CACNA2D3: variants seen among roughly 807,000 people sequenced by gnomAD.
CACNA2D3 encodes the protein calcium voltage-gated channel auxiliary subunit alpha2delta 3, also known as voltage-dependent calcium channel subunit alpha-2/delta-3.
In CACNA2D3, 60 loss-of-function variants were observed where a neutral mutation model predicts 160.6. The ratio of observed to expected loss-of-function variants is 0.37; its 90% CI spans 0.30 to 0.46. CACNA2D3 has a LOEUF of 0.46. Ranked by LOEUF, CACNA2D3 falls within the 20% of genes least tolerant of loss-of-function variation. The pLI is 1.00. For missense variants in CACNA2D3, 1,205 were observed against 1,365.0 expected (o/e 0.88, Z 1.85); for synonymous variants, 558 against 492.9 (o/e 1.13, Z -1.75).
At chr3:55,007,165 C>A (rs1703116378) in intron 32 of CACNA2D3, among the ~76,000 whole-genome samples, 1 of 152,098 alleles carries the variant, frequency 6.6e-6, no homozygotes, top group Non-Finnish European at 1.5e-5. Context: ...TTAAAATATT[C>A]TGAAATAAAG....
chr3:54,821,064 C>G (rs887186155), intron 14 of CACNA2D3, among the ~76,000 whole-genome samples: 12 of 152,168 alleles, frequency 7.9e-5, no homozygotes, highest in Non-Finnish European at 2.9e-5. Context: ...CGTGTCCAGA[C>G]TCTGGTACCC....
At chr3:54,224,936 A>G (rs1176058354) in intron 2 of CACNA2D3, among the ~76,000 whole-genome samples, 1 of 132,816 alleles carries the variant, frequency 7.5e-6, no homozygotes. Flanking sequence ...TTGTGACTGA[A>G]TATCTTTTTT....
At chr3:55,064,404 G>A (rs771829707) in intron 35 of CACNA2D3, among the ~76,000 whole-genome samples, 9 of 152,112 alleles carry the variant, frequency 5.9e-5, no homozygotes, top group Non-Finnish European at 1.2e-4. Flanking sequence ...CCAGGTGCCG[G>A]TGAGGTGGGG....
intron 5 of CACNA2D3, among the ~76,000 whole-genome samples, chr3:54,524,281 T>G (rs572572129): frequency 6.6e-6 from 1 of 152,308 alleles, no homozygotes; most frequent in African/African-American, 2.4e-5. Context: ...AGGAGTGTGT[T>G]GCTTAGTTTC....
At chr3:54,710,045 CAG>C (rs1366772620) in intron 11 of CACNA2D3, among the ~76,000 whole-genome samples, 1 of 152,180 alleles carries the variant, frequency 6.6e-6, no homozygotes, top group Non-Finnish European at 1.5e-5. Flanking sequence ...AGTCAAAAAT[CAG>C]AGAATCGACT....
intron 11 of CACNA2D3, among the ~76,000 whole-genome samples, chr3:54,662,958 G>T (rs4955876): frequency 0.11 from 17,028 of 152,222 alleles, 1,352 homozygotes; most frequent in East Asian, 0.28. Context: ...GCTGATAGTG[G>T]CTCCTTCTCA....
intron 4 of CACNA2D3, among the ~76,000 whole-genome samples, chr3:54,454,584 G>A (rs923551734): frequency 2.1e-5 from 3 of 146,232 alleles, no homozygotes; most frequent in Non-Finnish European, 4.5e-5. Flanking sequence ...CCTCAAACAT[G>A]TATCATTTCT....
intron 35 of CACNA2D3, among the ~76,000 whole-genome samples, chr3:55,033,805 ATG>A (rs1456246326): frequency 1.6e-5 from 2 of 122,382 alleles, no homozygotes; most frequent in Non-Finnish European, 3.2e-5. Context: ...TTTATATAAT[ATG>A]TATTATATAT....
At position 54,765,487 on chromosome 3, in the gene CACNA2D3, A is replaced by C. The variant is rs1385850495; in HGVS notation, c.1380+1136A>C. 2.0e-5 allele frequency among the ~76,000 whole-genome samples: 3 copies of C among 152,310 alleles called. No homozygotes were observed. In the East Asian group the frequency reaches 5.8e-4, roughly 29 times the overall value. On this transcript the variant is annotated intron_variant, in intron 13 of 37. Coordinates refer to ENST00000474759, the MANE Select transcript of CACNA2D3 (RefSeq NM_018398.3). ...TGAGTCTGTCCCCAGTTTGGTTTTA[A>C]ATCATGGAAACAAAATAAGCTGCCC...
At chr3:54,350,897 A>C (rs1217081967) in intron 3 of CACNA2D3, among the ~76,000 whole-genome samples, 2 of 151,008 alleles carry the variant, frequency 1.3e-5, no homozygotes, top group Non-Finnish European at 2.9e-5. Context: ...TCACTTGGTA[A>C]GGGCATACAG....
At chr3:54,242,738 GTTTA>G (rs1701996506) in intron 2 of CACNA2D3, among the ~76,000 whole-genome samples, 1 of 152,134 alleles carries the variant, frequency 6.6e-6, no homozygotes, top group Admixed American at 6.5e-5. Context: ...TGTATGAATT[GTTTA>G]TTTTTGGAAT....
At chr3:54,198,851 T>A (rs1241445940) in intron 2 of CACNA2D3, among the ~76,000 whole-genome samples, 1 of 152,256 alleles carries the variant, frequency 6.6e-6, no homozygotes, top group Non-Finnish European at 1.5e-5. Context: ...CAAAAGCCTT[T>A]GTTCTTCCAC....
intron 30 of CACNA2D3, 136 bp downstream of exon 30, chr3:54,984,806 A>T: frequency 1.6e-6 from 1 of 633,602 alleles, no homozygotes. Flanking sequence ...ATAAAACCTT[A>T]TTTCCATCCC....
intron 2 of CACNA2D3, among the ~76,000 whole-genome samples, chr3:54,289,225 C>T (rs978562808): frequency 6.6e-6 from 1 of 152,032 alleles, no homozygotes; most frequent in African/African-American, 2.4e-5. Flanking sequence ...GATACAAAAT[C>T]AATGCACAAA....
At chr3:54,902,376 A>C (rs1382965744) in intron 27 of CACNA2D3, among the ~76,000 whole-genome samples, 2 of 152,028 alleles carry the variant, frequency 1.3e-5, no homozygotes, top group Admixed American at 6.6e-5. Flanking sequence ...TTAGATACTC[A>C]TCTGTCAATG....
intron 4 of CACNA2D3, among the ~76,000 whole-genome samples, chr3:54,405,023 TAGAA>T (rs781748357): frequency 1.5e-4 from 23 of 151,768 alleles, no homozygotes; most frequent in Non-Finnish European, 2.4e-4. Flanking sequence ...AGGACACAAA[TAGAA>T]AGATATTTCA....
chr3:54,527,518 G>A (rs900619022), intron 5 of CACNA2D3, among the ~76,000 whole-genome samples: 1 of 152,146 alleles, frequency 6.6e-6, no homozygotes, highest in Admixed American at 6.5e-5. Context: ...GCCTCTCCCA[G>A]TGTGGAGCGT....
At chr3:54,492,709 G>C (rs927020087) in intron 4 of CACNA2D3, among the ~76,000 whole-genome samples, 13 of 152,196 alleles carry the variant, frequency 8.5e-5, no homozygotes, top group Non-Finnish European at 1.8e-4. Context: ...AGGGTTAAAG[G>C]CTCTGATAAG....
rs144760117 is a variant in CACNA2D3, at chr3:54,141,098, CGT to C, written c.204+17510_204+17511del. Among the ~76,000 whole-genome samples the C allele has an allele frequency of 0.031, 2,010 of 64,754 alleles. 118 individuals carry two copies. The East Asian group carries it at 0.46, about 15-fold the overall frequency. The allele number at this position is 64,754 out of a possible 152,430, so 42.5% of individuals were successfully genotyped here. On this transcript the variant is annotated intron_variant, in intron 2 of 37. Coordinates refer to ENST00000474759, the MANE Select transcript of CACNA2D3 (RefSeq NM_018398.3). ...GTGTGTGTGTGTGTGCGCGCGCGCG[CGT>C]GTGTGCATGCATGCCTGAGATGTGT...
Sources: allele counts gnomAD v4.1 joint callset (sites outside exome capture counted in the v4.1 genomes callset), GRCh38; gene constraint gnomAD v4.1.1; transcripts MANE v1.5; gene names NCBI Gene and HGNC (gene_info 2026-07-23, HGNC 2026-07-21).